The following RTF1 variants were observed in gnomAD, a reference collection of about 807,000 sequenced individuals.
The protein encoded by RTF1 is RNA polymerase-associated protein RTF1 homolog.
RTF1 carries 10 observed loss-of-function variants against 95.7 expected under a neutral mutation model. That is an observed-to-expected ratio of 0.10 (90% CI 0.06 to 0.18). The LOEUF (loss-of-function observed/expected upper bound fraction) is 0.18. Ranked by LOEUF, RTF1 falls within the 10% of genes least tolerant of loss-of-function variation. The pLI is 1.00. For synonymous variants in RTF1, 305 were observed against 311.8 expected, an observed-to-expected ratio of 0.98 and a Z score of 0.23; for missense variants, 458 against 875.6, an observed-to-expected ratio of 0.52 and a Z score of 6.02.
chr15:41,430,831 G>A (rs561666211), intron 1 of RTF1, among the ~76,000 whole-genome samples: 1 of 152,282 alleles, frequency 6.6e-6, no homozygotes, highest in Non-Finnish European at 1.5e-5. Flanking sequence ...TCCTCAAGTT[G>A]TGGGAAGTGC....
Position 41,471,221 on chromosome 15 carries a change from T to A in RTF1, c.1075T>A (p.Leu359Met). 2.5e-6 allele frequency: 4 copies of A among 1,613,662 alleles called. No homozygotes were observed. Among genetic ancestry groups the A allele is most frequent in the Non-Finnish European group, 3.4e-6 (4 of 1,179,892 alleles). ...CCAACCAGTTTCCTTACCTGAAGAA[T>A]TGAATCGGGTTCGATTATCACGGCA... is the stretch of plus-strand genomic sequence containing the variant. ...KSQPVSLPEE[L>M]NRVRLSRHKL... is the part of the protein sequence containing the mutation. Residue 359 changes from leucine (L) to methionine (M), a missense_variant, in exon 8 of 18, where the codon TTG becomes ATG. Physicochemically the swap from Leu to Met is conservative, Grantham distance 15. Coordinates refer to ENST00000389629, the MANE Select transcript of RTF1 (RefSeq NM_015138.5).
At chr15:41,477,638 A>C in intron 14 of RTF1, 123 bp downstream of exon 14, 6 of 812,722 alleles carry the variant, frequency 7.4e-6, no homozygotes, top group Non-Finnish European at 1.2e-5. Flanking sequence ...ACGTATACAC[A>C]CTCTCTCTGT....
At chr15:41,421,819 T>C (rs1034894281) in intron 1 of RTF1, among the ~76,000 whole-genome samples, 22 of 151,566 alleles carry the variant, frequency 1.5e-4, no homozygotes, top group African/African-American at 5.3e-4. Flanking sequence ...TCAGTGATCC[T>C]TCCCCCTCAG....
intron 1 of RTF1, among the ~76,000 whole-genome samples, chr15:41,438,050 T>A (rs8040920): frequency 0.016 from 2,422 of 152,226 alleles, 74 homozygotes; most frequent in African/African-American, 0.056. Flanking sequence ...CAGGAACAGT[T>A]TGGGGATAGC....
At chr15:41,426,650 A>G (rs1360165569) in intron 1 of RTF1, among the ~76,000 whole-genome samples, 1 of 79,200 alleles carries the variant, frequency 1.3e-5, no homozygotes, top group African/African-American at 4.8e-5. Context: ...CATGTTGGCC[A>G]GGCTGGTCTC....
At chr15:41,456,623 C>G (rs914759302) in intron 3 of RTF1, among the ~76,000 whole-genome samples, 2 of 151,860 alleles carry the variant, frequency 1.3e-5, no homozygotes, top group African/African-American at 4.8e-5. Context: ...ATGGTGAAAC[C>G]CCATCTCTGC....
chr15:41,454,039 G>T (rs1038063792), intron 3 of RTF1, among the ~76,000 whole-genome samples: 3 of 151,946 alleles, frequency 2.0e-5, no homozygotes, highest in African/African-American at 2.4e-5. Flanking sequence ...CTACTATTAT[G>T]ATAAATTCAC....
chr15:41,468,106 C>T (rs919943968), intron 6 of RTF1, among the ~76,000 whole-genome samples: 1 of 151,988 alleles, frequency 6.6e-6, no homozygotes, highest in Non-Finnish European at 1.5e-5. Context: ...GTGGAGGTTG[C>T]AGTGAGCCAA....
intron 2 of RTF1, among the ~76,000 whole-genome samples, chr15:41,448,523 C>T (rs747408739): frequency 6.6e-6 from 1 of 151,798 alleles, no homozygotes; most frequent in Non-Finnish European, 1.5e-5. Flanking sequence ...CATTTTCGCC[C>T]GGGTATAGTG....
intron 1 of RTF1, among the ~76,000 whole-genome samples, chr15:41,432,948 A>G (rs1201610593): frequency 6.6e-6 from 1 of 151,086 alleles, no homozygotes; most frequent in Non-Finnish European, 1.5e-5. Context: ...CACAAAAAAA[A>G]GAAAAACAAA....
intron 1 of RTF1, among the ~76,000 whole-genome samples, chr15:41,430,945 C>T (rs1252411521): frequency 6.6e-6 from 1 of 151,772 alleles, no homozygotes; most frequent in African/African-American, 2.4e-5. Flanking sequence ...CACTGTCGCC[C>T]GGGCTGGAGT....
At chr15:41,473,007 T>C (rs1433442104) in intron 8 of RTF1, among the ~76,000 whole-genome samples, 1 of 152,060 alleles carries the variant, frequency 6.6e-6, no homozygotes, top group African/African-American at 2.4e-5. Flanking sequence ...GGCCTCACTT[T>C]GGGATTTAAA....
At chr15:41,430,011 CTTT>C (rs747303648) in intron 1 of RTF1, among the ~76,000 whole-genome samples, 1 of 130,034 alleles carries the variant, frequency 7.7e-6, no homozygotes, top group Non-Finnish European at 1.7e-5. Context: ...TTTTTCTTTT[CTTT>C]TTTTTTTTTT....
intron 17 of RTF1, 78 bp downstream of exon 17, chr15:41,480,403 CT>C (rs2050966094): frequency 8.9e-7 from 1 of 1,123,990 alleles, no homozygotes; most frequent in African/African-American, 1.5e-5. Flanking sequence ...AGGAAGCCCA[CT>C]TTTAGGGAAG....
intron 1 of RTF1, among the ~76,000 whole-genome samples, chr15:41,429,286 ACT>A (rs989509138): frequency 6.6e-6 from 1 of 151,714 alleles, no homozygotes; most frequent in Admixed American, 6.6e-5. Context: ...TCTGCGAATT[ACT>A]CTTTTTTCCT....
intron 4 of RTF1, among the ~76,000 whole-genome samples, chr15:41,460,107 T>C (rs566974135): frequency 1.3e-4 from 11 of 86,566 alleles, no homozygotes; most frequent in Non-Finnish European, 2.2e-4. Context: ...CATTTGATTT[T>C]TGTTTTTGTT....
chr15:41,480,065 G>C (rs2050963618), intron 16 of RTF1, 149 bp from the exon 17 acceptor site: 1 of 606,754 alleles, frequency 1.6e-6, no homozygotes, highest in Non-Finnish European at 2.9e-6. Context: ...TTTGTCTGTG[G>C]CCTCCCTCTG....
intron 2 of RTF1, among the ~76,000 whole-genome samples, chr15:41,445,375 A>G (rs2050755757): frequency 6.6e-6 from 1 of 152,186 alleles, no homozygotes; most frequent in Non-Finnish European, 1.5e-5. Flanking sequence ...AATTGCTCAA[A>G]TGTATTTTCA....
intron 7 of RTF1, 137 bp from the exon 8 acceptor site, chr15:41,471,035 T>G (rs1946777522): frequency 2.7e-6 from 2 of 736,710 alleles, no homozygotes; most frequent in African/African-American, 3.5e-5. Context: ...TACAAGTCTT[T>G]GCTGGTGCTT....
Sources: gnomAD v4.1 joint callset for allele counts (sites outside exome capture counted in the v4.1 genomes callset) on GRCh38, gnomAD v4.1.1 for gene constraint, MANE v1.5 for transcripts, NCBI Gene and HGNC (gene_info 2026-07-23, HGNC 2026-07-21) for gene names.